COL4A2: variants seen among roughly 807,000 people sequenced by gnomAD.
COL4A2 encodes collagen type IV alpha 2 chain, also known as collagen alpha-2(IV) chain.
Under a neutral mutation model 200.2 loss-of-function variants are expected in COL4A2, and 99 were observed. The ratio of observed to expected loss-of-function variants is 0.49; its 90% CI spans 0.42 to 0.58. The LOEUF (loss-of-function observed/expected upper bound fraction) is 0.58. Ranked by LOEUF, COL4A2 falls within the 20% of genes least tolerant of loss-of-function variation. COL4A2 has a pLI of 0.00. For synonymous variants in COL4A2, 897 were observed against 900.6 expected (o/e 1.00, Z 0.07); for missense variants, 1,950 against 2,314.1 (o/e 0.84, Z 3.23).
chr13:110,407,650 G>C (rs1879623355), intron 4 of COL4A2, among the ~76,000 whole-genome samples: 1 of 152,236 alleles, frequency 6.6e-6, no homozygotes, highest in Non-Finnish European at 1.5e-5. Context: ...GTGCACAGAG[G>C]CAGTTCCAGA....
At chr13:110,428,685 G>A in intron 7 of COL4A2, 102 bp downstream of exon 7, 1 of 577,776 alleles carries the variant, frequency 1.7e-6, no homozygotes. Flanking sequence ...GGCCAGAACG[G>A]AAGCATAACT....
chr13:110,484,719 G>A (rs1041637087), intron 32 of COL4A2, among the ~76,000 whole-genome samples, 186 bp from the exon 33 acceptor site: 14 of 152,208 alleles, frequency 9.2e-5, no homozygotes, highest in African/African-American at 3.1e-4. Context: ...GGACCCTGGA[G>A]CCACCCCCAA....
At chr13:110,380,718 C>T (rs1263502413) in intron 4 of COL4A2, among the ~76,000 whole-genome samples, 2 of 151,578 alleles carry the variant, frequency 1.3e-5, no homozygotes, top group African/African-American at 2.4e-5. Context: ...CTCTATCTCA[C>T]ACCCACGTGC....
rs535778755 is a variant in COL4A2 at position 110,469,232 on chromosome 13, G to A, written c.2111G>A (p.Arg704Gln). Residue 704 changes from arginine (R) to glutamine (Q), a missense_variant, in exon 28 of 48, where the codon CGA becomes CAA. By Grantham distance (43) the Arg-to-Gln change is conservative. This residue lies in a region of COL4A2 where 1,385 missense variants were observed against 1,720.5 expected (regional missense o/e 0.80). Transcript: ENST00000360467. ...PPGPTGAKGL[R>Q]GIPGFAGADG... ...GGTTATTTAGGTGCCAAAGGCCTCC[G>A]AGGAATCCCAGGCTTCGCAGGAGCT... 17 of 1,597,964 alleles carry A rather than the reference G, an allele frequency of 1.1e-5. No homozygotes were observed. The highest frequency in any genetic ancestry group is 1.7e-5 in the Admixed American group (1 of 57,812).
Position 110,428,600 on chromosome 13 carries a change from C to A in COL4A2, c.477+17C>A. On this transcript the variant is annotated intron_variant, in intron 7 of 47. Coordinates refer to ENST00000360467, the MANE Select transcript of COL4A2 (RefSeq NM_001846.4). Reference sequence around the variant, plus strand: ...GGGCCTCCCGTGAGTATCCCCACAGCGCCTGTGCTCCAGGGACGGGCAGAC... The same window carrying A: ...GGGCCTCCCGTGAGTATCCCCACAGAGCCTGTGCTCCAGGGACGGGCAGAC... 2.8e-6 allele frequency: 4 copies of A among 1,417,944 alleles called. No individual in the cohort carries two copies. The highest frequency in any genetic ancestry group is 2.8e-6 in the Non-Finnish European group (3 of 1,055,260). 87.8% of individuals were successfully genotyped at this position (1,417,944 alleles called of 1,614,324 possible). A position where few individuals can be genotyped will look rare whatever the true frequency, so the allele number is the denominator to read the frequency against.
chr13:110,423,577 C>G (rs1022575590), intron 4 of COL4A2, among the ~76,000 whole-genome samples: 1 of 152,106 alleles, frequency 6.6e-6, no homozygotes, highest in African/African-American at 2.4e-5. Context: ...ATCGAAATTA[C>G]CTTTTGAGTC....
chr13:110,311,294 A>T (rs1450805860), intron 3 of COL4A2, among the ~76,000 whole-genome samples: 1 of 152,194 alleles, frequency 6.6e-6, no homozygotes, highest in East Asian at 1.9e-4. Context: ...ACCTCAGGAC[A>T]CACTCCCTGC....
Position 110,446,849 on chromosome 13 carries a change from C to T in COL4A2, c.1063C>T (p.Pro355Ser). ...TGGACTACCTGCCTACTCCCCTCACCCTTCCCTAGCAAAAGGTGTGTGAAC... is the reference window on the plus strand; with the variant it reads ...TGGACTACCTGCCTACTCCCCTCACTCTTCCCTAGCAAAAGGTGTGTGAAC... ...PPGLPAYSPHPSLAKGARGDP... is the reference protein window; with the variant it reads ...PPGLPAYSPHSSLAKGARGDP... Residue 355 changes from proline (P) to serine (S), a missense_variant, in exon 18 of 48, where the codon CCT (proline) becomes TCT (serine). By Grantham distance (74) the Pro-to-Ser change is moderately conservative. Around this residue, in one of 2 missense-constraint regions of COL4A2, gnomAD observed 565 missense variants for 593.5 expected, o/e 0.95. Coordinates refer to ENST00000360467, the MANE Select transcript of COL4A2 (RefSeq NM_001846.4). The T allele has an allele frequency of 6.2e-7, 1 of 1,612,068 alleles. No individual in the cohort carries two copies. Among genetic ancestry groups the T allele is most frequent in the Non-Finnish European group, 8.5e-7 (1 of 1,178,298 alleles).
chr13:110,410,440 G>A (rs1295194454), intron 4 of COL4A2, among the ~76,000 whole-genome samples: 1 of 152,162 alleles, frequency 6.6e-6, no homozygotes, highest in Non-Finnish European at 1.5e-5. Context: ...TCTGTTCTTG[G>A]ACAGCCCCTT....
chr13:110,460,895 T>C (rs1351204857), intron 22 of COL4A2, among the ~76,000 whole-genome samples: 1 of 152,210 alleles, frequency 6.6e-6, no homozygotes, highest in Non-Finnish European at 1.5e-5. Context: ...TAAAGTAATG[T>C]TGCAAAGCAC....
At chr13:110,320,937 C>T (rs1885258437) in intron 3 of COL4A2, among the ~76,000 whole-genome samples, 1 of 152,036 alleles carries the variant, frequency 6.6e-6, no homozygotes, top group Admixed American at 6.6e-5. Context: ...AGAAAAAAGG[C>T]CTGTTTCATG....
chr13:110,369,461 G>T (rs1046272392), intron 4 of COL4A2, among the ~76,000 whole-genome samples: 3 of 152,044 alleles, frequency 2.0e-5, no homozygotes, highest in Non-Finnish European at 4.4e-5. Context: ...AAACACTTCT[G>T]GTCCCAAGCA....
Position 110,493,242 on chromosome 13 carries a change from A to G in COL4A2, c.3594A>G (p.Leu1198=), listed in dbSNP as rs761270508. The G allele has an allele frequency of 3.1e-6, 5 of 1,614,062 alleles. No homozygotes were observed. The highest frequency in any genetic ancestry group is 3.3e-5 in the Admixed American group (2 of 60,004). ...GFPGLRGIRG[L]HGLPGTKGFP... is the part of the protein sequence containing the mutation. ...CGGGACTCCGTGGGATCCGCGGCTT[A>G]CACGGCTTGCCAGGCACCAAGGGCT... The change falls in exon 39 of 48, where the codon TTA becomes TTG. Residue 1198 remains leucine (L), a synonymous_variant. Coordinates refer to ENST00000360467, the MANE Select transcript of COL4A2 (RefSeq NM_001846.4).
chr13:110,457,809 TAGAG>T (rs1462476801), intron 21 of COL4A2: 1 of 476,880 alleles, frequency 2.1e-6, no homozygotes, highest in Non-Finnish European at 4.3e-6. Context: ...CAGAGGTCTG[TAGAG>T]AGCTCTGTCC....
chr13:110,318,298 A>G (rs1023768254), intron 3 of COL4A2, among the ~76,000 whole-genome samples: 9 of 152,030 alleles, frequency 5.9e-5, no homozygotes, highest in African/African-American at 2.2e-4. Flanking sequence ...GTGAAGTCTG[A>G]TCAGTGTGTG....
intron 4 of COL4A2, among the ~76,000 whole-genome samples, chr13:110,408,785 G>A (rs565630812): frequency 2.7e-5 from 4 of 145,522 alleles, no homozygotes; most frequent in South Asian, 2.2e-4. Flanking sequence ...CACATGACAC[G>A]CGTACACACA....
chr13:110,333,738 A>T (rs1876038717), intron 3 of COL4A2, among the ~76,000 whole-genome samples: 1 of 152,034 alleles, frequency 6.6e-6, no homozygotes, highest in South Asian at 2.1e-4. Context: ...TCGTTGCCAT[A>T]TTTCTGTGTG....
intron 4 of COL4A2, among the ~76,000 whole-genome samples, chr13:110,421,185 A>G (rs575762637): frequency 6.6e-6 from 1 of 152,310 alleles, no homozygotes; most frequent in Non-Finnish European, 1.5e-5. Flanking sequence ...AAATTTAGCA[A>G]TACCTCAAAT....
intron 34 of COL4A2, among the ~76,000 whole-genome samples, chr13:110,486,380 GGTA>G (rs1340485817): frequency 1.3e-5 from 2 of 152,216 alleles, no homozygotes; most frequent in Admixed American, 1.3e-4. Context: ...GCAGAATGAA[GGTA>G]GTAGCTACCT....
Sources: allele counts gnomAD v4.1 joint callset (sites outside exome capture counted in the v4.1 genomes callset), GRCh38; gene constraint gnomAD v4.1.1; regional missense constraint gnomAD v4.1.1; transcripts MANE v1.5; gene names NCBI Gene and HGNC (gene_info 2026-07-23, HGNC 2026-07-21).